Variants in KCNJ6 observed in about 807,000 individuals in gnomAD.
KCNJ6 encodes G protein-activated inward rectifier potassium channel 2.
A neutral mutation model predicts 34.2 loss-of-function variants in KCNJ6; 9 were observed. The observed-to-expected ratio is 0.26, with a 90% CI of 0.16 to 0.46. KCNJ6 has a LOEUF of 0.46. KCNJ6 is among the 20% of genes least tolerant of loss of function. The pLI, the probability that KCNJ6 is intolerant of heterozygous loss-of-function variation, is 1.00. For missense variants in KCNJ6, 236 were observed against 531.3 expected (o/e 0.44, Z 5.46); for synonymous variants, 196 against 207.1 (o/e 0.95, Z 0.46).
intron 2 of KCNJ6, among the ~76,000 whole-genome samples, chr21:37,775,070 T>C (rs1200526796): frequency 6.6e-6 from 1 of 152,252 alleles, no homozygotes; most frequent in Non-Finnish European, 1.5e-5. Flanking sequence ...TATCTCATTA[T>C]GGTTTTGATT....
chr21:37,795,747 ACAAAAAAAAACC>A (rs1267516052), intron 2 of KCNJ6, among the ~76,000 whole-genome samples: 5 of 151,050 alleles, frequency 3.3e-5, no homozygotes, highest in Non-Finnish European at 5.9e-5. Flanking sequence ...AAAAAAAAAA[ACAAAAAAAAACC>A]CTGCCACATA....
At chr21:37,863,314 A>G (rs1351481399) in intron 1 of KCNJ6, among the ~76,000 whole-genome samples, 2 of 152,194 alleles carry the variant, frequency 1.3e-5, no homozygotes, top group Non-Finnish European at 2.9e-5. Context: ...CCAACACAGT[A>G]GCCCCAATGG....
rs1569429065 is a variant in KCNJ6 at position 37,614,146 on chromosome 21, C to T, written c.*11013G>A. ...CAGTGAAATGATATACCCAGGACGA[C>T]ATTGCTCATCTGGGGGCAAAACCTG... is the stretch of plus-strand genomic sequence containing the variant. On this transcript the variant is annotated 3_prime_UTR_variant, in exon 4 of 4. Transcript: ENST00000609713. 6.6e-6 allele frequency: 1 copy of T among 152,194 alleles called. No homozygotes were observed. The highest frequency in any genetic ancestry group is 1.5e-5 in the Non-Finnish European group (1 of 68,044). 9.4% of individuals were successfully genotyped at this position (152,194 alleles called of 1,614,324 possible).
At chr21:37,734,581 A>G (rs989436481) in intron 2 of KCNJ6, among the ~76,000 whole-genome samples, 9 of 152,174 alleles carry the variant, frequency 5.9e-5, no homozygotes, top group Admixed American at 5.9e-4. Flanking sequence ...CCAGCTCACA[A>G]CATTCCCGCT....
chr21:37,773,906 C>G (rs1004804774), intron 2 of KCNJ6, among the ~76,000 whole-genome samples: 2 of 152,188 alleles, frequency 1.3e-5, no homozygotes, highest in African/African-American at 4.8e-5. Flanking sequence ...CTGCTCCATT[C>G]ATACCTGGGC....
At chr21:37,906,819 C>T (rs1438459720) in intron 1 of KCNJ6, among the ~76,000 whole-genome samples, 2 of 152,168 alleles carry the variant, frequency 1.3e-5, no homozygotes, top group African/African-American at 2.4e-5. Flanking sequence ...CTTTATTTGC[C>T]GTCCTCTTTC....
Position 37,610,755 on chromosome 21 carries a change from A to G in KCNJ6, c.*14404T>C, listed in dbSNP as rs920574930. On this transcript the variant is annotated 3_prime_UTR_variant, in exon 4 of 4. Transcript: ENST00000609713. ...CACGTGTAAATATCATGGGTCAAAG[A>G]AGAAATCTCAAGATAAGTGAAAAAA... is the stretch of plus-strand genomic sequence containing the variant. 1 of 152,162 alleles carries G rather than the reference A, an allele frequency of 6.6e-6. No individual in the cohort carries two copies. Among genetic ancestry groups the G allele is most frequent in the Non-Finnish European group, 1.5e-5 (1 of 68,028 alleles). 9.4% of individuals were successfully genotyped at this position (152,162 alleles called of 1,614,324 possible). A position where few individuals can be genotyped will look rare whatever the true frequency, so the allele number is the denominator to read the frequency against.
At chr21:37,745,097 T>G (rs1448218232) in intron 2 of KCNJ6, among the ~76,000 whole-genome samples, 2 of 68,612 alleles carry the variant, frequency 2.9e-5, no homozygotes, top group Non-Finnish European at 6.4e-5. Context: ...TTTTTTTTTT[T>G]TTTTTTTTTT....
intron 3 of KCNJ6, among the ~76,000 whole-genome samples, chr21:37,664,887 C>T (rs1022850711): frequency 6.6e-6 from 1 of 150,416 alleles, no homozygotes. Context: ...AGCTCTGCCT[C>T]CCGGTTCACA....
rs568925771 is a variant in KCNJ6, at chr21:37,751,267, C to T, written c.26-36136G>A. On this transcript the variant is annotated intron_variant, in intron 2 of 3. Transcript: ENST00000609713. Reference sequence around the variant, plus strand: ...CAATCTCTCACTGGAATATTTTATGCCTAAAATAATTCACGATGTGGCTGT... The same window carrying T: ...CAATCTCTCACTGGAATATTTTATGTCTAAAATAATTCACGATGTGGCTGT... Among the ~76,000 whole-genome samples, 7 of 152,284 alleles carry T rather than the reference C, an allele frequency of 4.6e-5. No homozygotes were observed. In the South Asian group the frequency reaches 1.2e-3, roughly 27 times the overall value.
chr21:37,716,751 G>C (rs1007061356), intron 2 of KCNJ6, among the ~76,000 whole-genome samples: 3 of 152,132 alleles, frequency 2.0e-5, no homozygotes, highest in Non-Finnish European at 2.9e-5. Flanking sequence ...CATTAGGAAA[G>C]CTCTCCTAAA....
At chr21:37,890,731 A>C (rs2055758141) in intron 1 of KCNJ6, among the ~76,000 whole-genome samples, 1 of 152,180 alleles carries the variant, frequency 6.6e-6, no homozygotes, top group South Asian at 2.1e-4. Context: ...GTGTGTCAAA[A>C]GGTTTTCCCC....
At chr21:37,669,317 C>T (rs934815625) in intron 3 of KCNJ6, among the ~76,000 whole-genome samples, 2 of 152,130 alleles carry the variant, frequency 1.3e-5, no homozygotes, top group Admixed American at 6.5e-5. Flanking sequence ...ATGACCAAGC[C>T]GTAACCCAGT....
chr21:37,788,903 T>C (rs1001717823), intron 2 of KCNJ6, among the ~76,000 whole-genome samples: 2 of 152,188 alleles, frequency 1.3e-5, no homozygotes, highest in African/African-American at 4.8e-5. Context: ...TAACTAACAG[T>C]ACCTAAGAGT....
chr21:37,785,648 C>T (rs2055189245), intron 2 of KCNJ6, among the ~76,000 whole-genome samples: 1 of 152,198 alleles, frequency 6.6e-6, no homozygotes, highest in Admixed American at 6.5e-5. Context: ...ATTATTTCTT[C>T]TAATCTCCAA....
chr21:37,753,907 T>C (rs1441955761), intron 2 of KCNJ6, among the ~76,000 whole-genome samples: 1 of 152,178 alleles, frequency 6.6e-6, no homozygotes, highest in Non-Finnish European at 1.5e-5. Context: ...TCATTTTCCT[T>C]GGCTAGGTCT....
intron 1 of KCNJ6, among the ~76,000 whole-genome samples, chr21:37,849,387 C>A (rs1473606546): frequency 1.3e-5 from 2 of 152,200 alleles, no homozygotes; most frequent in Non-Finnish European, 2.9e-5. Flanking sequence ...ATGCCTCTCC[C>A]ACCTGGCTTC....
In KCNJ6 at chr21:37,708,531, T is replaced by C. The variant is rs909283076; in HGVS notation, c.946+5680A>G. On this transcript the variant is annotated intron_variant, in intron 3 of 3. Transcript: ENST00000609713. ...AAAAAGAAAGGAGAGCTGGATTTCT[T>C]GATTTACGGGTGGCAGATTTTGACC... is the stretch of plus-strand genomic sequence containing the variant. Among the ~76,000 whole-genome samples the C allele has an allele frequency of 2.6e-5, 4 of 151,356 alleles. No individual in the cohort carries two copies. The Admixed American group carries it at 2.6e-4, about 10-fold the overall frequency.
chr21:37,845,298 A>T (rs1192453047), intron 1 of KCNJ6, among the ~76,000 whole-genome samples: 1 of 152,264 alleles, frequency 6.6e-6, no homozygotes, highest in Non-Finnish European at 1.5e-5. Flanking sequence ...AGCAGGAATC[A>T]TACTTGTTGG....
Sources: gnomAD v4.1 joint callset for allele counts (sites outside exome capture counted in the v4.1 genomes callset) on GRCh38, gnomAD v4.1.1 for gene constraint, MANE v1.5 for transcripts, NCBI Gene and HGNC (gene_info 2026-07-23, HGNC 2026-07-21) for gene names.